The following FAM107B variants were observed in gnomAD, a reference collection of about 807,000 sequenced individuals.
FAM107B encodes family with sequence similarity 107 member B, also known as protein FAM107B.
In FAM107B, 21 loss-of-function variants were observed where a neutral mutation model predicts 31.5. The ratio of observed to expected loss-of-function variants is 0.67; its 90% CI spans 0.47 to 0.96. FAM107B has a LOEUF of 0.96. Among genes scored for constraint, FAM107B ranks in the 40% least tolerant of loss-of-function variants. FAM107B has a pLI of 0.00. For missense variants in FAM107B, 452 were observed against 377.1 expected (o/e 1.20, Z -1.64); for synonymous variants, 157 against 141.5 (o/e 1.11, Z -0.78).
At chr10:14,670,781 G>C (rs894449022) in intron 1 of FAM107B, among the ~76,000 whole-genome samples, 1 of 152,212 alleles carries the variant, frequency 6.6e-6, no homozygotes, top group African/African-American at 2.4e-5. Context: ...AAGGATGTTG[G>C]AAATGCTCTT....
At chr10:14,736,037 A>G (rs1856292410) in intron 1 of FAM107B, among the ~76,000 whole-genome samples, 1 of 152,146 alleles carries the variant, frequency 6.6e-6, no homozygotes, top group South Asian at 2.1e-4. Context: ...GCCTGGGAAA[A>G]GGGAAAAGGG....
In FAM107B at chr10:14,692,154, G is replaced by A. The variant is rs939244476; in HGVS notation, c.412-24463C>T. On this transcript the variant is annotated intron_variant, in intron 1 of 4. Coordinates refer to ENST00000181796, the MANE Select transcript of FAM107B (RefSeq NM_031453.4). Reference sequence around the variant, plus strand: ...CAGGCTGGGAAGGCAATCGAGGGGAGCCCCCTTTGGATTCTGCATGATACA... The same window carrying A: ...CAGGCTGGGAAGGCAATCGAGGGGAACCCCCTTTGGATTCTGCATGATACA... 2.6e-5 allele frequency among the ~76,000 whole-genome samples: 4 copies of A among 152,116 alleles called. No individual in the cohort carries two copies. The South Asian group carries it at 8.3e-4, about 32-fold the overall frequency.
At chr10:14,736,758 A>T (rs1856309332) in intron 1 of FAM107B, among the ~76,000 whole-genome samples, 1 of 152,220 alleles carries the variant, frequency 6.6e-6, no homozygotes, top group Non-Finnish European at 1.5e-5. Context: ...AATCACAAGC[A>T]AGCAGTATTA....
chr10:14,533,969 C>G (rs1031620954), intron 2 of FAM107B, among the ~76,000 whole-genome samples: 11 of 152,208 alleles, frequency 7.2e-5, no homozygotes, highest in African/African-American at 2.7e-4. Flanking sequence ...CTTGTGGCTG[C>G]ACAGAAGTGC....
intron 2 of FAM107B, among the ~76,000 whole-genome samples, chr10:14,662,181 G>A (rs1854259923): frequency 2.0e-5 from 3 of 152,106 alleles, no homozygotes; most frequent in Admixed American, 1.3e-4. Context: ...TCTTTAAAAT[G>A]GCACCTTGCA....
At chr10:14,558,845 A>G (rs75254591) in intron 2 of FAM107B, among the ~76,000 whole-genome samples, 2 of 152,180 alleles carry the variant, frequency 1.3e-5, no homozygotes, top group African/African-American at 4.8e-5. Context: ...ACTTGCTTCC[A>G]AAAGCTCTAT....
At chr10:14,526,317 G>C (rs1178342752) in intron 3 of FAM107B, among the ~76,000 whole-genome samples, 1 of 152,164 alleles carries the variant, frequency 6.6e-6, no homozygotes, top group Non-Finnish European at 1.5e-5. Flanking sequence ...GGGACTACAG[G>C]CGCGTGCCAC....
chr10:14,603,745 T>G (rs748970311), intron 2 of FAM107B, among the ~76,000 whole-genome samples: 3 of 151,800 alleles, frequency 2.0e-5, no homozygotes, highest in Non-Finnish European at 2.9e-5. Flanking sequence ...CAGACTGGAG[T>G]CAGTGTCACG....
At chr10:14,767,024 G>GTATGTATATATATATATATATA (rs1554757993) in intron 1 of FAM107B, among the ~76,000 whole-genome samples, 2 of 16,234 alleles carry the variant, frequency 1.2e-4, no homozygotes, top group Non-Finnish European at 4.5e-4. Flanking sequence ...TGATGTGTAT[G>GTATGTATATATATATATATATA]TATATATATA....
chr10:14,530,198 G>A (rs1001750913), intron 3 of FAM107B, 134 bp downstream of exon 3: 6 of 987,488 alleles, frequency 6.1e-6, no homozygotes, highest in African/African-American at 1.7e-5. Flanking sequence ...TAGGATGTGA[G>A]AAGGAATAAG....
chr10:14,632,331 G>T (rs1021138781), intron 2 of FAM107B, among the ~76,000 whole-genome samples: 3 of 120,642 alleles, frequency 2.5e-5, no homozygotes, highest in South Asian at 2.7e-4. Flanking sequence ...AAAAAAAAAT[G>T]CCGGGCGCAG....
intron 1 of FAM107B, among the ~76,000 whole-genome samples, chr10:14,767,972 C>G (rs1833218874): frequency 6.6e-6 from 1 of 152,086 alleles, no homozygotes; most frequent in Non-Finnish European, 1.5e-5. Flanking sequence ...ATAAAGACCC[C>G]TGCACAAAAA....
chr10:14,541,046 T>C (rs749108577), intron 2 of FAM107B, among the ~76,000 whole-genome samples: 1 of 152,132 alleles, frequency 6.6e-6, no homozygotes, highest in African/African-American at 2.4e-5. Context: ...TCCTTATTTC[T>C]CCCAAAGGTT....
chr10:14,629,382 A>T (rs1564606688), intron 2 of FAM107B, among the ~76,000 whole-genome samples: 3 of 35,366 alleles, frequency 8.5e-5, no homozygotes, highest in African/African-American at 3.5e-4. Context: ...TAATATATAT[A>T]ATATATATAA....
intron 3 of FAM107B, 58 bp downstream of exon 3, chr10:14,530,274 G>A: frequency 6.8e-7 from 1 of 1,481,354 alleles, no homozygotes; most frequent in Non-Finnish European, 9.2e-7. Flanking sequence ...ATTAAAATTA[G>A]ATATCATGAT....
At chr10:14,679,135 T>G (rs1251110430) in intron 1 of FAM107B, among the ~76,000 whole-genome samples, 1 of 147,290 alleles carries the variant, frequency 6.8e-6, no homozygotes, top group Non-Finnish European at 1.5e-5. Context: ...TAATTTGTTT[T>G]CCTTTTTTTT....
At chr10:14,617,599 A>G (rs117676410) in intron 2 of FAM107B, among the ~76,000 whole-genome samples, 3 of 152,312 alleles carry the variant, frequency 2.0e-5, no homozygotes, top group African/African-American at 7.2e-5. Context: ...GTGTTTGAGC[A>G]GAGACAAAAG....
intron 2 of FAM107B, among the ~76,000 whole-genome samples, chr10:14,563,719 T>C (rs1850429856): frequency 6.6e-6 from 1 of 152,234 alleles, no homozygotes; most frequent in South Asian, 2.1e-4. Context: ...TTCTCTGGCC[T>C]TTCCCAATGA....
At chr10:14,622,521 G>A (rs1853040280) in intron 2 of FAM107B, among the ~76,000 whole-genome samples, 1 of 152,104 alleles carries the variant, frequency 6.6e-6, no homozygotes, top group Admixed American at 6.5e-5. Flanking sequence ...TGGCCAGGCT[G>A]GTCTGGAACT....
Sources: gnomAD v4.1 joint callset for allele counts (sites outside exome capture counted in the v4.1 genomes callset) on GRCh38, gnomAD v4.1.1 for gene constraint, MANE v1.5 for transcripts, NCBI Gene and HGNC (gene_info 2026-07-23, HGNC 2026-07-21) for gene names.